RBFOX1: variants seen among roughly 807,000 people sequenced by gnomAD.
The protein encoded by RBFOX1 is RNA binding protein fox-1 homolog 1.
Under a neutral mutation model 57.7 loss-of-function variants are expected in RBFOX1, and 8 were observed. The observed-to-expected ratio is 0.14, with a 90% CI of 0.08 to 0.25. The LOEUF (loss-of-function observed/expected upper bound fraction) is 0.25, where lower values mean the gene tolerates loss of function less well. RBFOX1 is among the 10% of genes least tolerant of loss of function. RBFOX1 has a pLI of 1.00. For synonymous variants in RBFOX1, 326 were observed against 222.4 expected (o/e 1.47, Z -4.15); for missense variants, 611 against 548.5 (o/e 1.11, Z -1.14).
chr16:6,152,336 C>G (rs1396925404), intron 1 of RBFOX1, among the ~76,000 whole-genome samples: 1 of 152,118 alleles, frequency 6.6e-6, no homozygotes, highest in Non-Finnish European at 1.5e-5. Flanking sequence ...GTCTTTCTCT[C>G]TCTCTCTCTT....
chr16:6,678,836 C>T (rs1453603140), intron 3 of RBFOX1, among the ~76,000 whole-genome samples: 1 of 152,022 alleles, frequency 6.6e-6, no homozygotes, highest in Non-Finnish European at 1.5e-5. Context: ...ATCCAGGAGG[C>T]TGAGTGAGGC....
chr16:6,812,651 A>G (rs1217066246), intron 3 of RBFOX1, among the ~76,000 whole-genome samples: 3 of 152,156 alleles, frequency 2.0e-5, no homozygotes, highest in Non-Finnish European at 4.4e-5. Flanking sequence ...TGCTGGGATT[A>G]CAGGCGTGAG....
At chr16:6,767,856 G>A (rs551538132) in intron 3 of RBFOX1, among the ~76,000 whole-genome samples, 2 of 151,390 alleles carry the variant, frequency 1.3e-5, no homozygotes, top group Non-Finnish European at 2.9e-5. Context: ...GGAGGTTGCA[G>A]TGAGCCGAGA....
chr16:5,454,081 C>T (rs368777087), intron 1 of RBFOX1, among the ~76,000 whole-genome samples: 9 of 152,312 alleles, frequency 5.9e-5, no homozygotes, highest in Admixed American at 2.0e-4. Context: ...GAGGCCAAAT[C>T]GTGCCAGCCT....
At chr16:5,650,196 C>G (rs1448129293) in intron 3 of RBFOX1, among the ~76,000 whole-genome samples, 1 of 152,198 alleles carries the variant, frequency 6.6e-6, no homozygotes, top group African/African-American at 2.4e-5. Context: ...ACGAGGCTCT[C>G]AATCTTACCT....
At chr16:6,353,641 G>T (rs535934375) in intron 2 of RBFOX1, among the ~76,000 whole-genome samples, 1 of 152,000 alleles carries the variant, frequency 6.6e-6, no homozygotes, top group Admixed American at 6.6e-5. Flanking sequence ...AATTCAAAGG[G>T]GGCTTGTATC....
intron 1 of RBFOX1, among the ~76,000 whole-genome samples, chr16:6,289,597 C>T (rs143233695): frequency 4.6e-5 from 7 of 152,208 alleles, no homozygotes; most frequent in Non-Finnish European, 8.8e-5. Flanking sequence ...TCTTTCCGTC[C>T]TCTAGCTGTC....
Position 6,966,612 on chromosome 16 carries a change from C to G in RBFOX1, c.-15-85445C>G, listed in dbSNP as rs560716116. ...AAAATAAGGCCAATGGACTGGAGAA[C>G]ATGGGGTCACAGAGCAAGAGGCAAG... On this transcript the variant is annotated intron_variant, in intron 3 of 15. Transcript: ENST00000550418. 1.2e-4 allele frequency among the ~76,000 whole-genome samples: 19 copies of G among 152,230 alleles called. 1 individual carries two copies. Among genetic ancestry groups the G allele is most frequent in the South Asian group, 8.3e-4 (4 of 4,820 alleles).
At chr16:5,935,952 C>A (rs375284471) in intron 4 of RBFOX1, among the ~76,000 whole-genome samples, 6 of 152,270 alleles carry the variant, frequency 3.9e-5, no homozygotes, top group African/African-American at 1.2e-4. Context: ...TGGAGGCCCT[C>A]AGGGCCTTCG....
intron 1 of RBFOX1, among the ~76,000 whole-genome samples, chr16:5,459,386 T>A (rs2068723119): frequency 6.6e-6 from 1 of 152,164 alleles, no homozygotes; most frequent in African/African-American, 2.4e-5. Context: ...CAGGTGGATT[T>A]TGACACAGAG....
chr16:5,692,573 G>A (rs1045306176), intron 3 of RBFOX1, among the ~76,000 whole-genome samples: 1 of 152,140 alleles, frequency 6.6e-6, no homozygotes, highest in Admixed American at 6.5e-5. Flanking sequence ...AATTAGTGTT[G>A]TTTTAAGCTT....
At chr16:7,269,988 C>G (rs1159582513) in intron 4 of RBFOX1, among the ~76,000 whole-genome samples, 1 of 152,186 alleles carries the variant, frequency 6.6e-6, no homozygotes, top group Non-Finnish European at 1.5e-5. Flanking sequence ...TAAACCTTCC[C>G]CTTTTCATCT....
chr16:7,186,634 A>C (rs1049559435), intron 4 of RBFOX1, among the ~76,000 whole-genome samples: 3 of 143,666 alleles, frequency 2.1e-5, no homozygotes, highest in South Asian at 2.1e-4. Context: ...ATATAAATAT[A>C]ATATTTATAT....
intron 4 of RBFOX1, among the ~76,000 whole-genome samples, chr16:7,290,986 C>G (rs1021244051): frequency 1.3e-5 from 2 of 152,298 alleles, no homozygotes; most frequent in Non-Finnish European, 2.9e-5. Context: ...ACATTTCATT[C>G]TGTGATTATT....
intron 1 of RBFOX1, among the ~76,000 whole-genome samples, chr16:5,287,620 A>G (rs1029658281): frequency 1.3e-5 from 2 of 152,178 alleles, no homozygotes; most frequent in African/African-American, 4.8e-5. Flanking sequence ...TGGCATGAGC[A>G]TGTCTGGGAA....
chr16:6,892,917 C>T (rs755646816), intron 3 of RBFOX1, among the ~76,000 whole-genome samples: 7 of 151,936 alleles, frequency 4.6e-5, no homozygotes, highest in Non-Finnish European at 7.4e-5. Flanking sequence ...CTTTGCTCCT[C>T]AGCTATTCTT....
intron 4 of RBFOX1, among the ~76,000 whole-genome samples, chr16:7,117,400 G>A (rs184041552): frequency 6.6e-6 from 1 of 152,178 alleles, no homozygotes. Context: ...GAAGCAACAT[G>A]GGGCATGATT....
chr16:7,090,861 G>T (rs766109327), intron 4 of RBFOX1, among the ~76,000 whole-genome samples: 1 of 152,134 alleles, frequency 6.6e-6, no homozygotes, highest in Non-Finnish European at 1.5e-5. Flanking sequence ...GCCGTAGAAT[G>T]AAGTAAAACC....
intron 4 of RBFOX1, among the ~76,000 whole-genome samples, chr16:7,100,562 G>A (rs1315361208): frequency 9.2e-6 from 1 of 108,766 alleles, no homozygotes; most frequent in Non-Finnish European, 1.8e-5. Flanking sequence ...GTTTTTAAAG[G>A]TTGTTTTTTT....
Sources: gnomAD v4.1 joint callset for allele counts (sites outside exome capture counted in the v4.1 genomes callset) on GRCh38, gnomAD v4.1.1 for gene constraint, MANE v1.5 for transcripts, NCBI Gene and HGNC (gene_info 2026-07-23, HGNC 2026-07-21) for gene names.